The following EDF1 variants were observed in gnomAD, a reference collection of about 807,000 sequenced individuals.
The protein encoded by EDF1 is endothelial differentiation related factor 1, also known as endothelial differentiation-related factor 1.
A neutral mutation model predicts 20.8 loss-of-function variants in EDF1; 5 were observed. The ratio of observed to expected loss-of-function variants is 0.24; its 90% CI spans 0.13 to 0.51. The LOEUF is 0.51. EDF1 is among the 20% of genes least tolerant of loss of function. The pLI is 0.97. For missense variants in EDF1, 137 were observed against 197.8 expected (o/e 0.69, Z 1.84); for synonymous variants, 96 against 78.5 (o/e 1.22, Z -1.18).
intron 1 of EDF1, 138 bp downstream of exon 1, chr9:136,866,030 GTCCTGCCCCCGGC>G: frequency 4.6e-6 from 1 of 218,210 alleles, no homozygotes; most frequent in Non-Finnish European, 5.8e-6. Flanking sequence ...TTCGAACCCC[GTCCTGCCCCCGGC>G]ACCCCAGCCT....
In EDF1 at chr9:136,862,541, A is replaced by T. The variant is rs1178042149; in HGVS notation, c.386-196T>A. ...GTCTGATCACCTTAGACAGCAGAGCATGAACACCCCTCTCCGGAAGAACCG... is the reference window on the plus strand; with the variant it reads ...GTCTGATCACCTTAGACAGCAGAGCTTGAACACCCCTCTCCGGAAGAACCG... On this transcript the variant is annotated intron_variant, in intron 4 of 4. Coordinates refer to ENST00000224073, the MANE Select transcript of EDF1 (RefSeq NM_003792.4). The surrounding 1 kb of genome is among the most constrained non-coding windows in gnomAD (Gnocchi z 4.1). 1 of 1,601,962 alleles carries T rather than the reference A, an allele frequency of 6.2e-7. No homozygotes were observed. The highest frequency in any genetic ancestry group is 8.5e-7 in the Non-Finnish European group (1 of 1,178,254).
In EDF1 at chr9:136,866,258, T is replaced by TGGCGGGCGAAGACG. The variant is rs759483462; in HGVS notation, c.-14_-1dup. On this transcript the variant is annotated 5_prime_UTR_variant, in exon 1 of 5. Coordinates refer to ENST00000224073, the MANE Select transcript of EDF1 (RefSeq NM_003792.4). The stretch of plus-strand genomic sequence containing the variant: ...ACCGTGTCCCAGTCGCTCTCGGCCA[T>TGGCGGGCGAAGACG]GGCGGGCGAAGACGAGCGTCCGTCC... 6 of 1,596,506 alleles carry TGGCGGGCGAAGACG rather than the reference T, an allele frequency of 3.8e-6. No homozygotes were observed. Among genetic ancestry groups the TGGCGGGCGAAGACG allele is most frequent in the South Asian group, 1.1e-5 (1 of 88,968 alleles).
chr9:136,863,380 CCT>C lies in EDF1; in HGVS notation c.197_198del (p.Glu66GlyfsTer5). On this transcript the variant is annotated frameshift_variant, in exon 3 of 5. Transcript: ENST00000224073. LOFTEE classifies it high-confidence loss of function. This position sits in a 1 kb window ranked among gnomAD's most constrained non-coding sequence, Gnocchi z 4.5. ...KNTAKLDRET[E>X]ELHHDRVTLE... ...AGGGTCACCCTGTCATGGTGCAGCT[CCT>C]CTGTCTCCCGGTCCAGCTTGGCCGT... is the stretch of plus-strand genomic sequence containing the variant. 2.5e-6 allele frequency: 4 copies of C among 1,614,154 alleles called. No individual in the cohort carries two copies. The highest frequency in any genetic ancestry group is 3.4e-6 in the Non-Finnish European group (4 of 1,180,024).
rs1261594363 is a variant in EDF1, at chr9:136,862,465, T to C, written c.386-120A>G. 33 of 1,613,116 alleles carry C rather than the reference T, an allele frequency of 2.0e-5. No homozygotes were observed. Among genetic ancestry groups the C allele is most frequent in the Non-Finnish European group, 2.7e-5 (32 of 1,179,890 alleles). On this transcript the variant is annotated intron_variant, in intron 4 of 4. Transcript: ENST00000224073. The surrounding 1 kb of genome is among the most constrained non-coding windows in gnomAD (Gnocchi z 4.1). ...ACGCCGCTCCCGTGCCTCACTGGGC[T>C]CTCAGCACACGAGCACTCCTGGTTC...
At chr9:136,864,565 A>T (rs1329184456) in intron 1 of EDF1, among the ~76,000 whole-genome samples, 3 of 152,050 alleles carry the variant, frequency 2.0e-5, no homozygotes, top group Non-Finnish European at 4.4e-5. Flanking sequence ...CTCCAGAAAC[A>T]TCACCAATAA....
At chr9:136,866,067 T>G in intron 1 of EDF1, 114 bp downstream of exon 1, 2 of 672,146 alleles carry the variant, frequency 3.0e-6, no homozygotes, top group African/African-American at 5.0e-5. Context: ...CCCCGTCCCC[T>G]GCGCCCTGTC....
rs1463026607 is a variant in EDF1 at position 136,862,536 on chromosome 9, A to G, written c.386-191T>C. 1 of 1,603,834 alleles carries G rather than the reference A, an allele frequency of 6.2e-7. No individual in the cohort carries two copies. The highest frequency in any genetic ancestry group is 8.5e-7 in the Non-Finnish European group (1 of 1,178,768). On this transcript the variant is annotated intron_variant, in intron 4 of 4. Coordinates refer to ENST00000224073, the MANE Select transcript of EDF1 (RefSeq NM_003792.4). This position sits in a 1 kb window ranked among gnomAD's most constrained non-coding sequence, Gnocchi z 4.1. ...GATGAGTCTGATCACCTTAGACAGC[A>G]GAGCATGAACACCCCTCTCCGGAAG...
rs1273717410 is a variant in EDF1 at position 136,865,303 on chromosome 9, T to TTCCACCTGTGCAACAGGG, written c.78+860_78+877dup. On this transcript the variant is annotated intron_variant, in intron 1 of 4. Coordinates refer to ENST00000224073, the MANE Select transcript of EDF1 (RefSeq NM_003792.4). ...AAGTACTGTTCAGGGCACGCCCATC[T>TTCCACCTGTGCAACAGGG]TCCACCTGTGCAACAGGGTCCACCT... Among the ~76,000 whole-genome samples the TTCCACCTGTGCAACAGGG allele has an allele frequency of 1.2e-4, 19 of 152,276 alleles. No homozygotes were observed. In the South Asian group the frequency reaches 3.9e-3, roughly 32 times the overall value.
rs982082922 is a variant in EDF1 at position 136,863,996 on chromosome 9, T to C, written c.79-125A>G. The C allele has an allele frequency of 3.4e-5, 33 of 972,762 alleles. No homozygotes were observed. Among genetic ancestry groups the C allele is most frequent in the Non-Finnish European group, 4.6e-5 (29 of 637,288 alleles). The allele number at this position is 972,762 out of a possible 1,614,324, so 60.3% of individuals were successfully genotyped here. A position where few individuals can be genotyped will look rare whatever the true frequency, so the allele number is the denominator to read the frequency against. On this transcript the variant is annotated intron_variant, in intron 1 of 4. Coordinates refer to ENST00000224073, the MANE Select transcript of EDF1 (RefSeq NM_003792.4). The surrounding 1 kb of genome is among the most constrained non-coding windows in gnomAD (Gnocchi z 4.5). ...GACTAGTGGTGCCCAAGGACTGATATGCAGTCCTGGGTTCAGTTACCTAAG... is the reference window on the plus strand; with the variant it reads ...GACTAGTGGTGCCCAAGGACTGATACGCAGTCCTGGGTTCAGTTACCTAAG...
At position 136,863,802 on chromosome 9, in the gene EDF1, G is replaced by A. The variant is rs762329576; in HGVS notation, c.130+18C>T. On this transcript the variant is annotated intron_variant, in intron 2 of 4. Transcript: ENST00000224073. This position sits in a 1 kb window ranked among gnomAD's most constrained non-coding sequence, Gnocchi z 4.5. ...CACAGCACAGCCTCATGTTGCAAGC[G>A]GAAACACAAGTACCTACATTTCTTG... The A allele has an allele frequency of 3.0e-5, 48 of 1,613,628 alleles. No homozygotes were observed. In the Admixed American group the frequency reaches 3.3e-4, roughly 11 times the overall value.
rs1849159150 is a variant in EDF1 at position 136,863,775 on chromosome 9, C to T, written c.130+45G>A. The T allele has an allele frequency of 6.2e-7, 1 of 1,611,450 alleles. No individual in the cohort carries two copies. The highest frequency in any genetic ancestry group is 1.1e-5 in the South Asian group (1 of 91,010). Reference sequence around the variant, plus strand: ...ACACCACACCCACCAGCACATGGACCCCACAGCACAGCCTCATGTTGCAAG... The same window carrying T: ...ACACCACACCCACCAGCACATGGACTCCACAGCACAGCCTCATGTTGCAAG... On this transcript the variant is annotated intron_variant, in intron 2 of 4. Coordinates refer to ENST00000224073, the MANE Select transcript of EDF1 (RefSeq NM_003792.4). This position sits in a 1 kb window ranked among gnomAD's most constrained non-coding sequence, Gnocchi z 4.5.
chr9:136,863,320 T>A lies in EDF1; in HGVS notation c.259A>T (p.Ser87Cys), dbSNP rs779945598. ...AGGTCCTTCTGCGTAAGCCCCTTGC[T>A]CTGCCGACCTTGCTGGATCACCTTG... ...VGKVIQQGRQ[S>C]KGLTQKDLAT... is the part of the protein sequence containing the mutation. The change falls in exon 3 of 5, where the codon AGC becomes TGC. Residue 87 changes from serine (S) to cysteine (C), a missense_variant. Ser to Cys is a moderately radical substitution (Grantham distance 112). Coordinates refer to ENST00000224073, the MANE Select transcript of EDF1 (RefSeq NM_003792.4). The surrounding 1 kb of genome is among the most constrained non-coding windows in gnomAD (Gnocchi z 4.5). 1 of 1,613,874 alleles carries A rather than the reference T, an allele frequency of 6.2e-7. No homozygotes were observed. The highest frequency in any genetic ancestry group is 1.1e-5 in the South Asian group (1 of 91,080).
In EDF1 at chr9:136,862,533, A is replaced by G; in HGVS notation, c.386-188T>C. On this transcript the variant is annotated intron_variant, in intron 4 of 4. Transcript: ENST00000224073. This position sits in a 1 kb window ranked among gnomAD's most constrained non-coding sequence, Gnocchi z 4.1. ...GAGGATGAGTCTGATCACCTTAGAC[A>G]GCAGAGCATGAACACCCCTCTCCGG... 1.9e-6 allele frequency: 3 copies of G among 1,604,954 alleles called. No individual in the cohort carries two copies. The highest frequency in any genetic ancestry group is 2.5e-6 in the Non-Finnish European group (3 of 1,178,868).
intron 1 of EDF1, among the ~76,000 whole-genome samples, chr9:136,865,795 A>G (rs1849209245): frequency 1.1e-5 from 1 of 88,252 alleles, no homozygotes; most frequent in African/African-American, 4.7e-5. Flanking sequence ...CTGTCCTCAC[A>G]CCTGTCCCCA....
rs745869362 is a variant in EDF1, at chr9:136,862,384, C to G, written c.386-39G>C. ...CAGCCACTGGCCACTGCAGCACCAGCTCCCTCCTCCCCCCAACGCTGCCCC... is the reference window on the plus strand; with the variant it reads ...CAGCCACTGGCCACTGCAGCACCAGGTCCCTCCTCCCCCCAACGCTGCCCC... On this transcript the variant is annotated intron_variant, in intron 4 of 4. Coordinates refer to ENST00000224073, the MANE Select transcript of EDF1 (RefSeq NM_003792.4). This position sits in a 1 kb window ranked among gnomAD's most constrained non-coding sequence, Gnocchi z 4.1. 101 of 1,613,896 alleles carry G rather than the reference C, an allele frequency of 6.3e-5. No homozygotes were observed. Among genetic ancestry groups the G allele is most frequent in the Non-Finnish European group, 8.4e-5 (99 of 1,180,026 alleles).
chr9:136,863,080 G>C lies in EDF1; in HGVS notation c.292-81C>G. On this transcript the variant is annotated intron_variant, in intron 3 of 4. Coordinates refer to ENST00000224073, the MANE Select transcript of EDF1 (RefSeq NM_003792.4). The surrounding 1 kb of genome is among the most constrained non-coding windows in gnomAD (Gnocchi z 4.5). ...AGGCGCGAAGCGTCGCCTGAGAACA[G>C]CAGCTTCTAGGGCCCCTGGGGTACG... 3 of 1,575,800 alleles carry C rather than the reference G, an allele frequency of 1.9e-6. No individual in the cohort carries two copies. Among genetic ancestry groups the C allele is most frequent in the Non-Finnish European group, 2.6e-6 (3 of 1,150,136 alleles).
intron 1 of EDF1, among the ~76,000 whole-genome samples, chr9:136,864,495 C>T (rs986834033): frequency 6.6e-6 from 1 of 152,128 alleles, no homozygotes. Flanking sequence ...TGTGGCCTTC[C>T]TCCCTGAATC....
Position 136,863,771 on chromosome 9 carries a change from G to A in EDF1, c.130+49C>T, listed in dbSNP as rs1465493611. 2 of 1,608,738 alleles carry A rather than the reference G, an allele frequency of 1.2e-6. No individual in the cohort carries two copies. Among genetic ancestry groups the A allele is most frequent in the Admixed American group, 1.7e-5 (1 of 59,980 alleles). ...GCACACACCACACCCACCAGCACATGGACCCCACAGCACAGCCTCATGTTG... is the reference window on the plus strand; with the variant it reads ...GCACACACCACACCCACCAGCACATAGACCCCACAGCACAGCCTCATGTTG... On this transcript the variant is annotated intron_variant, in intron 2 of 4. Transcript: ENST00000224073. This position sits in a 1 kb window ranked among gnomAD's most constrained non-coding sequence, Gnocchi z 4.5.
rs1434706849 is a variant in EDF1 at position 136,866,241 on chromosome 9, C to A, written c.18G>T (p.Trp6Cys). Reference sequence around the variant, plus strand: ...TCTTGCGCAGCACCGTCACCGTGTCCCAGTCGCTCTCGGCCATGGCGGGCG... The same window carrying A: ...TCTTGCGCAGCACCGTCACCGTGTCACAGTCGCTCTCGGCCATGGCGGGCG... MAESD[W>C]DTVTVLRKKG... The change falls in exon 1 of 5, where the codon TGG becomes TGT. Residue 6 changes from tryptophan (W) to cysteine (C), a missense_variant. Physicochemically the swap from Trp to Cys is radical, Grantham distance 215 (BLOSUM62 -2). Coordinates refer to ENST00000224073, the MANE Select transcript of EDF1 (RefSeq NM_003792.4). 1 of 1,600,446 alleles carries A rather than the reference C, an allele frequency of 6.2e-7. No homozygotes were observed. Among genetic ancestry groups the A allele is most frequent in the South Asian group, 1.1e-5 (1 of 89,346 alleles).
Sources: allele counts gnomAD v4.1 joint callset (sites outside exome capture counted in the v4.1 genomes callset), GRCh38; gene constraint gnomAD v4.1.1; non-coding constraint Gnocchi (gnomAD v3.1); transcripts MANE v1.5; gene names NCBI Gene and HGNC (gene_info 2026-07-23, HGNC 2026-07-21).